Variants in HIP1 observed in about 807,000 individuals in gnomAD.
HIP1 encodes the protein huntingtin interacting protein 1.
Under a neutral mutation model 147.6 loss-of-function variants are expected in HIP1, and 65 were observed. The observed-to-expected ratio is 0.44, with a 90% CI of 0.36 to 0.54. HIP1 has a LOEUF of 0.54. Ranked by LOEUF, HIP1 falls within the 20% of genes least tolerant of loss-of-function variation. The pLI, the probability that HIP1 is intolerant of heterozygous loss-of-function variation, is 0.00. For missense variants in HIP1, 1,061 were observed against 1,299.6 expected, an observed-to-expected ratio of 0.82 and a Z score of 2.82; for synonymous variants, 479 against 504.0, an observed-to-expected ratio of 0.95 and a Z score of 0.67.
At chr7:75,717,956 C>G (rs1412694639) in intron 1 of HIP1, among the ~76,000 whole-genome samples, 1 of 148,194 alleles carries the variant, frequency 6.7e-6, no homozygotes, top group Non-Finnish European at 1.5e-5. Context: ...GGTGACAGAG[C>G]GAAACTCTGT....
chr7:75,718,279 C>A (rs1801384360), intron 1 of HIP1, among the ~76,000 whole-genome samples: 5 of 151,996 alleles, frequency 3.3e-5, no homozygotes, highest in Admixed American at 3.3e-4. Context: ...GTCGCTTGAG[C>A]CCAAGAGTTA....
intron 1 of HIP1, among the ~76,000 whole-genome samples, chr7:75,661,005 G>A (rs886685486): frequency 5.9e-5 from 9 of 152,232 alleles, no homozygotes; most frequent in African/African-American, 1.4e-4. Context: ...AGTAGCCGGC[G>A]TGGTGGCTCA....
chr7:75,613,454 A>T (rs1335646627), intron 1 of HIP1, among the ~76,000 whole-genome samples: 3 of 152,104 alleles, frequency 2.0e-5, no homozygotes, highest in African/African-American at 7.2e-5. Flanking sequence ...AGCCATTGTC[A>T]CCAGATTAGT....
At chr7:75,693,784 G>A (rs1333817732) in intron 1 of HIP1, among the ~76,000 whole-genome samples, 1 of 147,804 alleles carries the variant, frequency 6.8e-6, no homozygotes, top group Non-Finnish European at 1.5e-5. Flanking sequence ...AGGGAGGGAG[G>A]GAGGGAGGGG....
chr7:75,698,329 A>G (rs1273284956), intron 1 of HIP1, among the ~76,000 whole-genome samples: 1 of 152,160 alleles, frequency 6.6e-6, no homozygotes, highest in African/African-American at 2.4e-5. Context: ...GGTATCTACT[A>G]TGTCCACTTA....
chr7:75,609,190 G>C (rs1797335325), intron 1 of HIP1, among the ~76,000 whole-genome samples: 1 of 152,172 alleles, frequency 6.6e-6, no homozygotes, highest in Non-Finnish European at 1.5e-5. Flanking sequence ...GCTCACAAGA[G>C]CTCTCAGGCA....
Position 75,544,695 on chromosome 7 carries a change from C to A in HIP1, c.2766G>T (p.Lys922Asn). The change falls in exon 27 of 31, where the codon AAG becomes AAT. Residue 922 changes from lysine (K) to asparagine (N), a missense_variant and splice_region_variant. Lys to Asn is a moderately conservative substitution (Grantham distance 94, BLOSUM62 0). This residue lies in a region of HIP1 where 810 missense variants were observed against 946.8 expected (regional missense o/e 0.86). Coordinates refer to ENST00000336926, the MANE Select transcript of HIP1 (RefSeq NM_005338.7). ...ASTAQLVAAS[K>N]VKADKDSPNL... ...CCTAGGAGGTCCAGCCAGGTCCTACCTTGGATGCAGCCACAAGCTGGGCTG... is the reference window on the plus strand; with the variant it reads ...CCTAGGAGGTCCAGCCAGGTCCTACATTGGATGCAGCCACAAGCTGGGCTG... The A allele has an allele frequency of 1.2e-6, 2 of 1,602,060 alleles. No individual in the cohort carries two copies. Among genetic ancestry groups the A allele is most frequent in the Non-Finnish European group, 1.7e-6 (2 of 1,169,002 alleles).
intron 1 of HIP1, among the ~76,000 whole-genome samples, chr7:75,601,005 A>G (rs1308328259): frequency 2.0e-5 from 3 of 151,812 alleles, no homozygotes; most frequent in Admixed American, 6.6e-5. Flanking sequence ...TGATCCTCCC[A>G]CCTCAGCCTC....
intron 1 of HIP1, among the ~76,000 whole-genome samples, chr7:75,668,478 G>A (rs1563282006): frequency 1.3e-5 from 2 of 152,140 alleles, no homozygotes; most frequent in Non-Finnish European, 2.9e-5. Context: ...GTGGCCGCCA[G>A]CACACCGGGC....
chr7:75,655,436 G>T (rs989564478), intron 1 of HIP1, among the ~76,000 whole-genome samples: 3 of 151,950 alleles, frequency 2.0e-5, no homozygotes, highest in Non-Finnish European at 2.9e-5. Context: ...AAAAAAATTA[G>T]CCAGGTGTTG....
intron 1 of HIP1, among the ~76,000 whole-genome samples, chr7:75,638,296 A>G (rs4731244): frequency 0.18 from 26,529 of 151,536 alleles, 2,893 homozygotes; most frequent in Non-Finnish European, 0.25. Context: ...GAATCCCCCA[A>G]ATCACATCCT....
chr7:75,681,510 T>TCG (rs1563290053), intron 1 of HIP1, among the ~76,000 whole-genome samples: 1 of 143,140 alleles, frequency 7.0e-6, no homozygotes, highest in Admixed American at 7.2e-5. Flanking sequence ...TTTTTTTTTT[T>TCG]TTTTTTTTTT....
rs782577695 is a variant in HIP1 at position 75,561,363 on chromosome 7, C to T, written c.1157G>A (p.Gly386Glu). ...CATGTTTTCTAGCTGTGCCTTCAAT[C>T]CACTGATCTCTCTGTATAGTCGCTC... ...LIERLYREIS[G>E]LKAQLENMKT... The change falls in exon 13 of 31, where the codon GGA becomes GAA. Residue 386 changes from glycine to glutamate, a missense_variant. This residue lies in a region of HIP1 where 810 missense variants were observed against 946.8 expected (regional missense o/e 0.86). Transcript: ENST00000336926. 1.2e-6 allele frequency: 2 copies of T among 1,613,532 alleles called. No homozygotes were observed. The highest frequency in any genetic ancestry group is 2.2e-5 in the South Asian group (2 of 91,072).
chr7:75,648,943 G>A (rs1554511508), intron 1 of HIP1, among the ~76,000 whole-genome samples: 1 of 152,090 alleles, frequency 6.6e-6, no homozygotes, highest in Non-Finnish European at 1.5e-5. Flanking sequence ...TGGTCTCACT[G>A]GGACTACAGG....
intron 1 of HIP1, among the ~76,000 whole-genome samples, chr7:75,736,411 T>C (rs1454866736): frequency 5.9e-5 from 9 of 151,710 alleles, no homozygotes; most frequent in African/African-American, 2.2e-4. Context: ...ATTTTCTTAT[T>C]TCATTTATTA....
rs1433823710 is a variant in HIP1, at chr7:75,558,274, A to C, written c.1376-19T>G. On this transcript the variant is annotated intron_variant, in intron 14 of 30. Transcript: ENST00000336926. ...GCTTTCCCTGTATTGTAAAGGACCA[A>C]GGTGAGGAGTCTAACCTAGCAGGGA... The C allele has an allele frequency of 2.6e-5, 41 of 1,598,730 alleles. No individual in the cohort carries two copies. The highest frequency in any genetic ancestry group is 4.0e-5 in the African/African-American group (3 of 74,644).
At position 75,599,238 on chromosome 7, in the gene HIP1, T is replaced by C. The variant is rs1554502540; in HGVS notation, c.130A>G (p.Ile44Val). Residue 44 changes from isoleucine (I) to valine (V), a missense_variant, in exon 2 of 31, where the codon ATC becomes GTC. By Grantham distance (29) the Ile-to-Val change is conservative. Transcript: ENST00000336926. ...ESFERTQTVS[I>V]NKAINTQEVA... ...TCCTGCGTATTAATGGCCTTATTGA[T>C]GCTGACAGTCTGAAAAACAAGAAGG... 9 of 1,611,736 alleles carry C rather than the reference T, an allele frequency of 5.6e-6. No homozygotes were observed. In the South Asian group the frequency reaches 9.9e-5, roughly 18 times the overall value.
At chr7:75,540,432 CAAAA>C (rs57415264) in intron 29 of HIP1, among the ~76,000 whole-genome samples, 35 of 127,308 alleles carry the variant, frequency 2.7e-4, no homozygotes, top group Admixed American at 3.4e-4. Flanking sequence ...GACTCGGTCT[CAAAA>C]AAAAAAAAAA....
chr7:75,678,126 T>C (rs1799955766), intron 1 of HIP1, among the ~76,000 whole-genome samples: 1 of 152,098 alleles, frequency 6.6e-6, no homozygotes, highest in Admixed American at 6.6e-5. Context: ...TCTAACTGTT[T>C]AGTTTAGCCC....
Sources: gnomAD v4.1 joint callset for allele counts (sites outside exome capture counted in the v4.1 genomes callset) on GRCh38, gnomAD v4.1.1 for gene constraint, gnomAD v4.1.1 regional missense constraint, MANE v1.5 for transcripts, NCBI Gene and HGNC (gene_info 2026-07-23, HGNC 2026-07-21) for gene names.